Variants in MGMT observed in about 807,000 individuals in gnomAD.
MGMT encodes methylated-DNA--protein-cysteine methyltransferase.
MGMT carries 14 observed loss-of-function variants against 15.9 expected under a neutral mutation model. The observed-to-expected ratio is 0.88, with a 90% CI of 0.58 to 1.37. MGMT has a LOEUF of 1.37. MGMT is among the 40% of genes most tolerant of loss of function. The probability of loss-of-function intolerance (pLI) is 0.00; values close to 1 mark genes in which losing one functional copy is unlikely to be tolerated. For missense variants in MGMT, 282 were observed against 268.1 expected, an observed-to-expected ratio of 1.05 and a Z score of -0.36; for synonymous variants, 130 against 118.2, an observed-to-expected ratio of 1.10 and a Z score of -0.65.
intron 2 of MGMT, among the ~76,000 whole-genome samples, chr10:129,663,235 C>A (rs1847621001): frequency 6.6e-6 from 1 of 152,144 alleles, no homozygotes; most frequent in Non-Finnish European, 1.5e-5. Context: ...AAACAAGGCC[C>A]ATCCACCTAG....
chr10:129,516,709 C>T (rs751911487), intron 1 of MGMT, among the ~76,000 whole-genome samples: 70 of 152,190 alleles, frequency 4.6e-4, no homozygotes, highest in Non-Finnish European at 9.3e-4. Context: ...CCCCAGCCCC[C>T]ACCACCAATA....
chr10:129,704,118 T>C (rs1848131009), intron 2 of MGMT, among the ~76,000 whole-genome samples: 1 of 152,118 alleles, frequency 6.6e-6, no homozygotes, highest in African/African-American at 2.4e-5. Context: ...GTACACTGTT[T>C]ATTCGGTTAG....
chr10:129,753,099 A>G (rs61876577), intron 3 of MGMT, among the ~76,000 whole-genome samples: 16,248 of 152,274 alleles, frequency 0.11, 972 homozygotes, highest in Middle Eastern at 0.17. Flanking sequence ...CATCGGATAT[A>G]GAATCCTGAG....
Position 129,532,534 on chromosome 10 carries a change from C to A in MGMT, c.-12-3707C>A, listed in dbSNP as rs1170988856. On this transcript the variant is annotated intron_variant, in intron 1 of 4. Coordinates refer to ENST00000651593, the MANE Select transcript of MGMT (RefSeq NM_002412.5). The surrounding 1 kb of genome is among the most constrained non-coding windows in gnomAD (Gnocchi z 5.3). ...GCTCCTTCCTCCGGGTGGGGGACACCCCATCCCCCATGCCCCTACTTCAGC... is the reference window on the plus strand; with the variant it reads ...GCTCCTTCCTCCGGGTGGGGGACACACCATCCCCCATGCCCCTACTTCAGC... Among the ~76,000 whole-genome samples, 1 of 152,048 alleles carries A rather than the reference C, an allele frequency of 6.6e-6. No individual in the cohort carries two copies. Among genetic ancestry groups the A allele is most frequent in the East Asian group, 1.9e-4 (1 of 5,136 alleles).
chr10:129,639,235 T>C (rs1027761937), intron 2 of MGMT, among the ~76,000 whole-genome samples: 1 of 152,162 alleles, frequency 6.6e-6, no homozygotes, highest in Non-Finnish European at 1.5e-5. Context: ...AATGGCTATA[T>C]TAGCATTAGA....
intron 2 of MGMT, among the ~76,000 whole-genome samples, chr10:129,624,869 G>A (rs1024115773): frequency 1.3e-5 from 2 of 152,178 alleles, no homozygotes; most frequent in Non-Finnish European, 2.9e-5. Context: ...AAGCGGCTAT[G>A]TAAACGTGAC....
At chr10:129,580,675 C>A (rs1846542750) in intron 2 of MGMT, among the ~76,000 whole-genome samples, 1 of 152,192 alleles carries the variant, frequency 6.6e-6, no homozygotes, top group Non-Finnish European at 1.5e-5. Context: ...GACAGACATC[C>A]TGTACCTAGG....
chr10:129,699,576 G>A (rs748220828), intron 2 of MGMT, among the ~76,000 whole-genome samples: 36 of 152,030 alleles, frequency 2.4e-4, no homozygotes, highest in Non-Finnish European at 3.8e-4. Flanking sequence ...ACATGAACCC[G>A]TTGGTGGCCT....
chr10:129,732,485 C>T (rs139569859), intron 3 of MGMT, among the ~76,000 whole-genome samples: 6 of 151,904 alleles, frequency 3.9e-5, no homozygotes, highest in African/African-American at 7.3e-5. Context: ...GACATGAACT[C>T]ATCCTTTTTT....
intron 1 of MGMT, among the ~76,000 whole-genome samples, chr10:129,484,970 AATAT>A (rs1031050352): frequency 1.3e-5 from 2 of 150,444 alleles, no homozygotes; most frequent in African/African-American, 2.4e-5. Context: ...GTGTGTATTA[AATAT>A]ATATGTATTA....
intron 2 of MGMT, among the ~76,000 whole-genome samples, chr10:129,649,675 G>A (rs563152529): frequency 7.2e-5 from 11 of 152,266 alleles, no homozygotes; most frequent in African/African-American, 2.2e-4. Flanking sequence ...GGACTACAGG[G>A]CCCAAAGTTA....
chr10:129,713,518 G>A (rs867341327), intron 3 of MGMT, among the ~76,000 whole-genome samples: 6 of 152,108 alleles, frequency 3.9e-5, no homozygotes, highest in African/African-American at 1.4e-4. Context: ...GTGGCCAGTA[G>A]GATTGTCCGA....
At chr10:129,543,214 G>A (rs545363318) in intron 2 of MGMT, among the ~76,000 whole-genome samples, 37 of 152,184 alleles carry the variant, frequency 2.4e-4, no homozygotes, top group Non-Finnish European at 5.1e-4. Flanking sequence ...TTGGACCTTA[G>A]TAAAATAAAG....
Position 129,768,672 on chromosome 10 carries a change from G to C in MGMT, c.*1675G>C, listed in dbSNP as rs1589985088. ...CTGGCTCTCCAAGGCAGCAGCTTGG[G>C]GCCTGGTGGCCCGGGTGTGCGAGCC... On this transcript the variant is annotated 3_prime_UTR_variant, in exon 5 of 5. Coordinates refer to ENST00000651593, the MANE Select transcript of MGMT (RefSeq NM_002412.5). Among the ~76,000 whole-genome samples the C allele has an allele frequency of 6.6e-6, 1 of 152,352 alleles. No homozygotes were observed. Among genetic ancestry groups the C allele is most frequent in the Non-Finnish European group, 1.5e-5 (1 of 68,036 alleles).
chr10:129,698,681 C>T (rs1368663671), intron 2 of MGMT, among the ~76,000 whole-genome samples: 1 of 152,136 alleles, frequency 6.6e-6, no homozygotes, highest in East Asian at 1.9e-4. Flanking sequence ...TTAATAATAG[C>T]GTTTCTAGAA....
intron 1 of MGMT, among the ~76,000 whole-genome samples, chr10:129,503,949 CTT>C (rs1845600222): frequency 1.3e-5 from 2 of 152,086 alleles, no homozygotes; most frequent in Non-Finnish European, 2.9e-5. Flanking sequence ...GTTTCCCTGT[CTT>C]TGTGTGCACT....
intron 3 of MGMT, among the ~76,000 whole-genome samples, chr10:129,718,230 T>A (rs1488164571): frequency 2.0e-5 from 3 of 152,258 alleles, no homozygotes; most frequent in African/African-American, 7.2e-5. Flanking sequence ...CTGCTGAATG[T>A]GCACAGGGAG....
At chr10:129,512,073 C>T (rs964582822) in intron 1 of MGMT, among the ~76,000 whole-genome samples, 1 of 152,196 alleles carries the variant, frequency 6.6e-6, no homozygotes, top group African/African-American at 2.4e-5. Flanking sequence ...TAAGTGTCTG[C>T]TCTGCAGATG....
intron 1 of MGMT, among the ~76,000 whole-genome samples, chr10:129,494,017 A>G (rs1304143797): frequency 6.6e-6 from 1 of 152,174 alleles, no homozygotes; most frequent in East Asian, 1.9e-4. Flanking sequence ...ATAGTGTCCT[A>G]CTGTAAAGAT....
Sources: gnomAD v4.1 joint callset for allele counts (sites outside exome capture counted in the v4.1 genomes callset) on GRCh38, gnomAD v4.1.1 for gene constraint, Gnocchi (gnomAD v3.1) non-coding constraint, MANE v1.5 for transcripts, NCBI Gene and HGNC (gene_info 2026-07-23, HGNC 2026-07-21) for gene names.